CASR: variants seen among roughly 807,000 people sequenced by gnomAD.
The protein encoded by CASR is extracellular calcium-sensing receptor.
Under a neutral mutation model 69.1 loss-of-function variants are expected in CASR, and 23 were observed. The observed-to-expected ratio is 0.33, with a 90% CI of 0.24 to 0.47. The LOEUF (loss-of-function observed/expected upper bound fraction) is 0.47. Ranked by LOEUF, CASR falls within the 20% of genes least tolerant of loss-of-function variation. The pLI, the probability that CASR is intolerant of heterozygous loss-of-function variation, is 1.00. For missense variants in CASR, 924 were observed against 1,356.1 expected, an observed-to-expected ratio of 0.68 and a Z score of 5.00; for synonymous variants, 541 against 544.7, an observed-to-expected ratio of 0.99 and a Z score of 0.10.
intron 4 of CASR, among the ~76,000 whole-genome samples, chr3:122,268,498 A>G (rs555248504): frequency 6.6e-6 from 1 of 152,302 alleles, no homozygotes; most frequent in Non-Finnish European, 1.5e-5. Context: ...CCAAGTGAAG[A>G]CACTGGTCCA....
chr3:122,236,877 C>T (rs1197229614), intron 1 of CASR, among the ~76,000 whole-genome samples: 1 of 151,786 alleles, frequency 6.6e-6, no homozygotes. Flanking sequence ...GATAGTTAAG[C>T]CTGAAAAAAA....
At chr3:122,273,634 C>T (rs975702309) in intron 4 of CASR, among the ~76,000 whole-genome samples, 1 of 152,108 alleles carries the variant, frequency 6.6e-6, no homozygotes, top group African/African-American at 2.4e-5. Flanking sequence ...TGGAAGCTAC[C>T]TGAATAAGTT....
intron 1 of CASR, among the ~76,000 whole-genome samples, chr3:122,216,795 A>G (rs550074270): frequency 6.6e-6 from 1 of 152,356 alleles, no homozygotes; most frequent in East Asian, 1.9e-4. Context: ...CTTATATGTC[A>G]TGAGTGACTT....
At chr3:122,255,544 C>T (rs895146032) in intron 2 of CASR, among the ~76,000 whole-genome samples, 5 of 152,180 alleles carry the variant, frequency 3.3e-5, no homozygotes, top group Non-Finnish European at 7.3e-5. Flanking sequence ...GACAAATACT[C>T]TGTTGTACCC....
intron 1 of CASR, among the ~76,000 whole-genome samples, chr3:122,201,052 G>A (rs984544226): frequency 1.3e-5 from 2 of 148,500 alleles, no homozygotes; most frequent in African/African-American, 5.0e-5. Context: ...TCGCAGAGGG[G>A]GATTTGGCAG....
At chr3:122,257,564 C>T in intron 3 of CASR, 177 bp downstream of exon 3, 1 of 582,452 alleles carries the variant, frequency 1.7e-6, no homozygotes, top group South Asian at 2.3e-5. Flanking sequence ...CCAGTGTCCA[C>T]AATATCAATG....
chr3:122,284,587 C>G lies in CASR; in HGVS notation c.2633C>G (p.Ala878Gly). 6.2e-7 allele frequency: 1 copy of G among 1,614,208 alleles called. No homozygotes were observed. Among genetic ancestry groups the G allele is most frequent in the South Asian group, 1.1e-5 (1 of 91,092 alleles). ...TIEEVRCSTAAHAFKVAARAT... is the reference protein window; with the variant it reads ...TIEEVRCSTAGHAFKVAARAT... The stretch of plus-strand genomic sequence containing the variant: ...GAGGAGGTGCGTTGCAGCACCGCAG[C>G]TCACGCTTTCAAGGTGGCTGCCCGG... The change falls in exon 7 of 7, where the codon GCT becomes GGT. Residue 878 changes from alanine to glycine, a missense_variant. Ala to Gly is a moderately conservative substitution (Grantham distance 60). Coordinates refer to ENST00000639785, the MANE Select transcript of CASR (RefSeq NM_000388.4).
Position 122,285,316 on chromosome 3 carries a change from A to G in CASR, c.*125A>G, listed in dbSNP as rs2074957477. ...GATAATAGACACATCAAATGCCCCGAATTTAGTCACACCATCTTAAATGAC... is the reference window on the plus strand; with the variant it reads ...GATAATAGACACATCAAATGCCCCGGATTTAGTCACACCATCTTAAATGAC... On this transcript the variant is annotated 3_prime_UTR_variant, in exon 7 of 7. Transcript: ENST00000639785. 3.6e-6 allele frequency: 3 copies of G among 831,826 alleles called. No homozygotes were observed. Among genetic ancestry groups the G allele is most frequent in the Non-Finnish European group, 6.1e-6 (3 of 494,278 alleles). The allele number at this position is 831,826 out of a possible 1,614,324, so 51.5% of individuals were successfully genotyped here.
intron 1 of CASR, among the ~76,000 whole-genome samples, chr3:122,240,995 A>AACAT (rs1483299139): frequency 2.0e-5 from 3 of 152,126 alleles, no homozygotes; most frequent in Admixed American, 1.3e-4. Flanking sequence ...TGATAATAGA[A>AACAT]ACATAACATA....
intron 3 of CASR, among the ~76,000 whole-genome samples, chr3:122,258,008 T>C (rs911343795): frequency 6.6e-6 from 1 of 152,264 alleles, no homozygotes; most frequent in Non-Finnish European, 1.5e-5. Flanking sequence ...ACTAACAGTT[T>C]ATTGAAGCAA....
intron 5 of CASR, among the ~76,000 whole-genome samples, chr3:122,277,592 T>C (rs1020248120): frequency 2.6e-5 from 4 of 152,242 alleles, no homozygotes; most frequent in East Asian, 3.8e-4. Flanking sequence ...AGATGGAGAT[T>C]TGGGGGTTCC....
intron 1 of CASR, among the ~76,000 whole-genome samples, chr3:122,216,622 A>G (rs891808898): frequency 1.4e-4 from 22 of 152,266 alleles, no homozygotes; most frequent in African/African-American, 4.8e-4. Context: ...AACGAGAGTA[A>G]TAACTATACC....
chr3:122,191,780 G>GA (rs1252334127), intron 1 of CASR, among the ~76,000 whole-genome samples: 1 of 152,206 alleles, frequency 6.6e-6, no homozygotes, highest in Non-Finnish European at 1.5e-5. Flanking sequence ...GTAGCCAAAG[G>GA]TTGTAATGGT....
chr3:122,203,232 AG>A (rs1464324657), intron 1 of CASR, among the ~76,000 whole-genome samples: 1 of 152,238 alleles, frequency 6.6e-6, no homozygotes, highest in Non-Finnish European at 1.5e-5. Flanking sequence ...GAATTTGGAC[AG>A]AGCTGACATT....
At position 122,241,556 on chromosome 3, in the gene CASR, C is replaced by T. The variant is rs192135398; in HGVS notation, c.-242-12392C>T. Among the ~76,000 whole-genome samples the T allele has an allele frequency of 5.9e-5, 9 of 152,052 alleles. No individual in the cohort carries two copies. The East Asian group carries it at 1.7e-3, about 29-fold the overall frequency. ...ACAATAAAAAGTCTCCTAGTAAACA[C>T]TGGGACCCAATGGCTTTACTGCTGA... is the stretch of plus-strand genomic sequence containing the variant. On this transcript the variant is annotated intron_variant, in intron 1 of 6. Coordinates refer to ENST00000639785, the MANE Select transcript of CASR (RefSeq NM_000388.4).
intron 1 of CASR, among the ~76,000 whole-genome samples, chr3:122,200,430 G>A (rs777199342): frequency 1.1e-4 from 16 of 152,046 alleles, no homozygotes; most frequent in South Asian, 2.1e-4. Context: ...GCTGTTTCTG[G>A]TATATTAAAC....
chr3:122,265,270 G>C (rs1420290239), intron 4 of CASR, among the ~76,000 whole-genome samples: 10 of 152,094 alleles, frequency 6.6e-5, no homozygotes, highest in Non-Finnish European at 1.3e-4. Context: ...CTGGTTATAA[G>C]GGTCAATCAC....
chr3:122,259,342 G>T (rs1233436504), intron 3 of CASR, among the ~76,000 whole-genome samples: 3 of 151,936 alleles, frequency 2.0e-5, no homozygotes, highest in Admixed American at 1.3e-4. Flanking sequence ...TGATTTAGAG[G>T]CCTATTGTTT....
Position 122,254,307 on chromosome 3 carries a change from A to G in CASR, c.118A>G (p.Ile40Val), listed in dbSNP as rs1458833527. The change falls in exon 2 of 7, where the codon ATT (isoleucine) becomes GTT (valine). Residue 40 changes from isoleucine to valine, a missense_variant. Ile to Val is a conservative substitution (Grantham distance 29). Transcript: ENST00000639785. ...GDIILGGLFP[I>V]HFGVAAKDQD... ...CATTATCCTTGGGGGGCTCTTTCCTATTCATTTTGGAGTAGCAGCTAAAGA... is the reference window on the plus strand; with the variant it reads ...CATTATCCTTGGGGGGCTCTTTCCTGTTCATTTTGGAGTAGCAGCTAAAGA... The G allele has an allele frequency of 6.2e-7, 1 of 1,614,032 alleles. No homozygotes were observed. Among genetic ancestry groups the G allele is most frequent in the East Asian group, 2.2e-5 (1 of 44,902 alleles).
Sources: gnomAD v4.1 joint callset for allele counts (sites outside exome capture counted in the v4.1 genomes callset) on GRCh38, gnomAD v4.1.1 for gene constraint, MANE v1.5 for transcripts, NCBI Gene and HGNC (gene_info 2026-07-23, HGNC 2026-07-21) for gene names.